The following ZDHHC14 variants were observed in gnomAD, a reference collection of about 807,000 sequenced individuals.
The protein encoded by ZDHHC14 is zDHHC palmitoyltransferase 14, also known as palmitoyltransferase ZDHHC14.
In ZDHHC14, 16 loss-of-function variants were observed where a neutral mutation model predicts 47.7. That is an observed-to-expected ratio of 0.34 (90% CI 0.23 to 0.51). The LOEUF (loss-of-function observed/expected upper bound fraction) is 0.51. Among genes scored for constraint, ZDHHC14 ranks in the 20% least tolerant of loss-of-function variants. ZDHHC14 has a pLI of 0.97. For synonymous variants in ZDHHC14, 293 were observed against 278.9 expected (o/e 1.05, Z -0.50); for missense variants, 515 against 662.5 (o/e 0.78, Z 2.44).
chr6:157,496,372 A>AC (rs367891245), intron 1 of ZDHHC14, among the ~76,000 whole-genome samples: 6,910 of 150,536 alleles, frequency 0.046, 369 homozygotes, highest in Admixed American at 0.16. Context: ...GAGGAAGTTA[A>AC]CCCCCCCCAT....
intron 1 of ZDHHC14, among the ~76,000 whole-genome samples, chr6:157,476,178 A>G (rs1779478549): frequency 6.6e-6 from 1 of 152,162 alleles, no homozygotes; most frequent in Non-Finnish European, 1.5e-5. Context: ...TTGAAAAGAT[A>G]AAATTAACCT....
intron 2 of ZDHHC14, among the ~76,000 whole-genome samples, chr6:157,572,311 C>CG (rs1419333426): frequency 6.6e-6 from 1 of 152,046 alleles, no homozygotes; most frequent in Admixed American, 6.6e-5. Flanking sequence ...AGATTTCCCC[C>CG]GGGAGGCAAA....
chr6:157,482,532 G>T (rs1489960123), intron 1 of ZDHHC14, among the ~76,000 whole-genome samples: 2 of 151,956 alleles, frequency 1.3e-5, no homozygotes, highest in Non-Finnish European at 2.9e-5. Context: ...GGGATTACAG[G>T]CATGAGCCAC....
chr6:157,538,947 G>C (rs1438106474), intron 1 of ZDHHC14, among the ~76,000 whole-genome samples: 1 of 152,138 alleles, frequency 6.6e-6, no homozygotes, highest in African/African-American at 2.4e-5. Flanking sequence ...GTGAGAGAGA[G>C]GGAGAGAAGG....
chr6:157,508,934 C>T (rs542191434), intron 1 of ZDHHC14, among the ~76,000 whole-genome samples: 2 of 152,302 alleles, frequency 1.3e-5, no homozygotes, highest in African/African-American at 2.4e-5. Context: ...AGAGAGCCCA[C>T]TTCCAGGCTT....
intron 1 of ZDHHC14, among the ~76,000 whole-genome samples, chr6:157,387,307 A>C (rs1357159377): frequency 1.3e-5 from 2 of 151,988 alleles, no homozygotes; most frequent in African/African-American, 4.8e-5. Context: ...ACTTGGGGCT[A>C]TCCCCTGCAA....
chr6:157,664,572 T>C (rs1489832738), intron 8 of ZDHHC14, among the ~76,000 whole-genome samples: 1 of 152,170 alleles, frequency 6.6e-6, no homozygotes, highest in Non-Finnish European at 1.5e-5. Flanking sequence ...ACCTCCAAAT[T>C]CTGTCTTCTC....
intron 1 of ZDHHC14, among the ~76,000 whole-genome samples, chr6:157,413,981 G>T (rs1777922325): frequency 6.6e-6 from 1 of 152,094 alleles, no homozygotes; most frequent in Non-Finnish European, 1.5e-5. Context: ...CTGTTGCCCA[G>T]GCTAGAGTGC....
chr6:157,650,642 T>TA (rs772061667), intron 7 of ZDHHC14, among the ~76,000 whole-genome samples: 24 of 130,282 alleles, frequency 1.8e-4, no homozygotes, highest in African/African-American at 3.2e-4. Context: ...CTCTTGTCAT[T>TA]AAAAAAAAAA....
intron 3 of ZDHHC14, among the ~76,000 whole-genome samples, chr6:157,619,612 C>T (rs1785105300): frequency 6.6e-6 from 1 of 152,116 alleles, no homozygotes; most frequent in South Asian, 2.1e-4. Flanking sequence ...TAGAGTCAGC[C>T]ACATTGCTGT....
intron 8 of ZDHHC14, among the ~76,000 whole-genome samples, chr6:157,669,835 C>T (rs937700969): frequency 6.6e-6 from 1 of 152,214 alleles, no homozygotes; most frequent in Non-Finnish European, 1.5e-5. Context: ...TTCCCAGGCC[C>T]GGCCTGCTGG....
At position 157,568,729 on chromosome 6, in the gene ZDHHC14, A is replaced by C. The variant is rs577636112; in HGVS notation, c.407-24259A>C. 3.3e-5 allele frequency among the ~76,000 whole-genome samples: 5 copies of C among 152,286 alleles called. No homozygotes were observed. The South Asian group carries it at 1.0e-3, about 32-fold the overall frequency. Reference sequence around the variant, plus strand: ...AACTTGTTCCCCCTAAGGCTGTATAAATTTATATCTTCACCAAAAGTATAT... The same window carrying C: ...AACTTGTTCCCCCTAAGGCTGTATACATTTATATCTTCACCAAAAGTATAT... On this transcript the variant is annotated intron_variant, in intron 2 of 8. Coordinates refer to ENST00000359775, the MANE Select transcript of ZDHHC14 (RefSeq NM_024630.3).
At chr6:157,465,105 C>CTTTTTTTTTT (rs772080368) in intron 1 of ZDHHC14, among the ~76,000 whole-genome samples, 8 of 101,994 alleles carry the variant, frequency 7.8e-5, no homozygotes, top group African/African-American at 2.7e-4. Flanking sequence ...TCTCTTTCTC[C>CTTTTTTTTTT]TTTTTTTTTT....
intron 1 of ZDHHC14, among the ~76,000 whole-genome samples, chr6:157,382,613 C>T (rs1034590528): frequency 6.6e-6 from 1 of 152,158 alleles, no homozygotes; most frequent in East Asian, 1.9e-4. Context: ...CAAATCAGCC[C>T]AGATGTAGCC....
rs567201673 is a variant in ZDHHC14, at chr6:157,513,339, A to G, written c.246-29246A>G. Among the ~76,000 whole-genome samples, 5 of 152,358 alleles carry G rather than the reference A, an allele frequency of 3.3e-5. No homozygotes were observed. The South Asian group carries it at 1.0e-3, about 32-fold the overall frequency. On this transcript the variant is annotated intron_variant, in intron 1 of 8. Transcript: ENST00000359775. ...TATGGCTGTAGGAAAGATGTTTCAC[A>G]GCTGTGAGTGTGGTGGTGGCGTCCA...
intron 1 of ZDHHC14, among the ~76,000 whole-genome samples, chr6:157,536,819 C>CTTTTTTTTTTTTTTTTTTTTTTTTTT (rs768063106): frequency 1.0e-5 from 1 of 97,990 alleles, no homozygotes; most frequent in Admixed American, 1.0e-4. Flanking sequence ...CTCCATCTAT[C>CTTTTTTTTTTTTTTTTTTTTTTTTTT]TTTTTTTTTT....
At chr6:157,486,738 T>C (rs948935418) in intron 1 of ZDHHC14, among the ~76,000 whole-genome samples, 4 of 151,904 alleles carry the variant, frequency 2.6e-5, no homozygotes, top group Admixed American at 6.6e-5. Flanking sequence ...AAGGGAAGTG[T>C]CAAAGAGAAA....
chr6:157,409,296 A>G (rs1361569396), intron 1 of ZDHHC14, among the ~76,000 whole-genome samples: 1 of 152,132 alleles, frequency 6.6e-6, no homozygotes, highest in East Asian at 1.9e-4. Context: ...GCTGGGCTGG[A>G]TGGGACATCA....
At chr6:157,637,435 T>A (rs1369462039) in intron 5 of ZDHHC14, among the ~76,000 whole-genome samples, 1 of 152,200 alleles carries the variant, frequency 6.6e-6, no homozygotes, top group East Asian at 1.9e-4. Context: ...GCTGCTGAGA[T>A]CCTGAGAGCT....
Sources: gnomAD v4.1 joint callset for allele counts (sites outside exome capture counted in the v4.1 genomes callset) on GRCh38, gnomAD v4.1.1 for gene constraint, MANE v1.5 for transcripts, NCBI Gene and HGNC (gene_info 2026-07-23, HGNC 2026-07-21) for gene names.